Variants in NAALADL2 observed in about 807,000 individuals in gnomAD.
NAALADL2 encodes the protein N-acetylated alpha-linked acidic dipeptidase like 2, also known as inactive N-acetylated-alpha-linked acidic dipeptidase-like protein 2.
In NAALADL2, 76 loss-of-function variants were observed where a neutral mutation model predicts 87.2. That is an observed-to-expected ratio of 0.87 (90% CI 0.72 to 1.05). The LOEUF is 1.05. Ranked by LOEUF, NAALADL2 falls within the 50% of genes least tolerant of loss-of-function variation. The pLI, the probability that NAALADL2 is intolerant of heterozygous loss-of-function variation, is 0.00. For missense variants in NAALADL2, 1,089 were observed against 945.8 expected, an observed-to-expected ratio of 1.15 and a Z score of -1.99; for synonymous variants, 354 against 331.0, an observed-to-expected ratio of 1.07 and a Z score of -0.75.
intron 11 of NAALADL2, among the ~76,000 whole-genome samples, chr3:175,715,828 T>C (rs908419772): frequency 3.3e-5 from 5 of 152,190 alleles, no homozygotes; most frequent in Admixed American, 6.5e-5. Flanking sequence ...TGAGCCAAGA[T>C]TGTGCCACTG....
intron 2 of NAALADL2, among the ~76,000 whole-genome samples, chr3:174,610,870 G>T (rs1177991049): frequency 2.0e-5 from 3 of 152,180 alleles, no homozygotes; most frequent in Non-Finnish European, 4.4e-5. Flanking sequence ...GCACACATAT[G>T]TTTATTGAGG....
chr3:175,673,124 C>A (rs1734238970), intron 11 of NAALADL2, among the ~76,000 whole-genome samples: 2 of 152,144 alleles, frequency 1.3e-5, no homozygotes, highest in Non-Finnish European at 2.9e-5. Flanking sequence ...TGCTCTATCT[C>A]CAGCTGACTC....
intron 11 of NAALADL2, among the ~76,000 whole-genome samples, chr3:175,655,992 T>C (rs1731408981): frequency 6.6e-6 from 1 of 152,192 alleles, no homozygotes; most frequent in Non-Finnish European, 1.5e-5. Flanking sequence ...TCCTGAATTT[T>C]CCATATAAGG....
intron 3 of NAALADL2, among the ~76,000 whole-genome samples, chr3:174,762,037 T>C (rs187919532): frequency 6.6e-6 from 1 of 152,310 alleles, no homozygotes; most frequent in African/African-American, 2.4e-5. Flanking sequence ...TTCAATGTCA[T>C]GCCTTCCAAA....
intron 3 of NAALADL2, among the ~76,000 whole-genome samples, chr3:174,808,327 T>C (rs1719741205): frequency 6.6e-6 from 1 of 152,118 alleles, no homozygotes; most frequent in Non-Finnish European, 1.5e-5. Flanking sequence ...AAATGTCATA[T>C]GGGTGTTCAG....
chr3:174,627,111 T>G (rs1307518289), intron 2 of NAALADL2, among the ~76,000 whole-genome samples: 1 of 152,152 alleles, frequency 6.6e-6, no homozygotes, highest in Non-Finnish European at 1.5e-5. Context: ...TATATTTATG[T>G]GCAAATTATT....
chr3:175,644,935 T>C (rs1729791953), intron 11 of NAALADL2, among the ~76,000 whole-genome samples: 1 of 151,836 alleles, frequency 6.6e-6, no homozygotes, highest in Admixed American at 6.6e-5. Context: ...GCTGAAAATA[T>C]CCTTATAAGT....
At chr3:175,169,761 C>G (rs910837059) in intron 2 of NAALADL2, among the ~76,000 whole-genome samples, 2 of 151,722 alleles carry the variant, frequency 1.3e-5, no homozygotes, top group Admixed American at 6.6e-5. Context: ...TTGATGATAG[C>G]TATTTTGTTG....
In NAALADL2 at chr3:175,737,714, G is replaced by GTTTTTTT. The variant is rs71164650; in HGVS notation, c.1990+339_1990+345dup. Among the ~76,000 whole-genome samples the GTTTTTTT allele has an allele frequency of 6.3e-3, 345 of 54,746 alleles. 57 individuals carry two copies. The highest frequency in any genetic ancestry group is 0.019 in the African/African-American group (230 of 12,144). The allele number at this position is 54,746 out of a possible 152,430, so 35.9% of individuals were successfully genotyped here. On this transcript the variant is annotated intron_variant, in intron 12 of 13. Coordinates refer to ENST00000454872, the MANE Select transcript of NAALADL2 (RefSeq NM_207015.3). The stretch of plus-strand genomic sequence containing the variant: ...TAGAATAATACAGTTCAATGATCCA[G>GTTTTTTT]TTTTTTTTTTTTTTTTTTTTTTTTT...
intron 5 of NAALADL2, among the ~76,000 whole-genome samples, chr3:175,430,740 C>A (rs1205896006): frequency 6.6e-6 from 1 of 152,010 alleles, no homozygotes; most frequent in Non-Finnish European, 1.5e-5. Flanking sequence ...TGTTTATTCT[C>A]ACACTATATC....
chr3:175,429,359 A>T (rs1475365512), intron 5 of NAALADL2, among the ~76,000 whole-genome samples: 1 of 151,960 alleles, frequency 6.6e-6, no homozygotes, highest in Non-Finnish European at 1.5e-5. Context: ...CTGTATATGA[A>T]TTCTTTGACT....
intron 12 of NAALADL2, among the ~76,000 whole-genome samples, chr3:175,738,284 A>G (rs1483792057): frequency 6.6e-6 from 1 of 151,454 alleles, no homozygotes; most frequent in African/African-American, 2.4e-5. Context: ...CTCACTGTCT[A>G]TTGCCCAGGC....
At chr3:175,215,864 G>GATA (rs1742440037) in intron 2 of NAALADL2, among the ~76,000 whole-genome samples, 2 of 152,074 alleles carry the variant, frequency 1.3e-5, no homozygotes, top group Non-Finnish European at 2.9e-5. Flanking sequence ...TGAATGGATG[G>GATA]GTCTAGTCAG....
chr3:174,543,950 G>A (rs1722492744), intron 1 of NAALADL2, among the ~76,000 whole-genome samples: 1 of 151,528 alleles, frequency 6.6e-6, no homozygotes, highest in South Asian at 2.1e-4. Flanking sequence ...AGAGGTTGCA[G>A]TGAGCTGAGA....
At chr3:174,705,242 C>G (rs1560158643) in intron 2 of NAALADL2, among the ~76,000 whole-genome samples, 1 of 152,116 alleles carries the variant, frequency 6.6e-6, no homozygotes, top group Non-Finnish European at 1.5e-5. Flanking sequence ...GGGAAGAAAT[C>G]ATAGTACTTA....
intron 5 of NAALADL2, among the ~76,000 whole-genome samples, chr3:175,343,924 C>A (rs1243419203): frequency 6.6e-6 from 1 of 151,908 alleles, no homozygotes; most frequent in African/African-American, 2.4e-5. Flanking sequence ...GAGAAAGCAA[C>A]TAAACCAGTC....
intron 12 of NAALADL2, among the ~76,000 whole-genome samples, chr3:175,745,893 C>A (rs1561075854): frequency 6.6e-6 from 1 of 152,140 alleles, no homozygotes; most frequent in Non-Finnish European, 1.5e-5. Context: ...TCTGATGTTT[C>A]TTGCTTAATA....
chr3:175,553,774 A>AT (rs1194674816), intron 9 of NAALADL2, among the ~76,000 whole-genome samples: 3 of 151,510 alleles, frequency 2.0e-5, no homozygotes, highest in Admixed American at 6.6e-5. Flanking sequence ...AAATATATTT[A>AT]TTTTTTCTTT....
chr3:175,529,799 C>T (rs894220928), intron 9 of NAALADL2, among the ~76,000 whole-genome samples: 2 of 152,100 alleles, frequency 1.3e-5, no homozygotes, highest in African/African-American at 4.8e-5. Context: ...GTCCATGGAT[C>T]GTAGTCTTGG....
Sources: gnomAD v4.1 joint callset for allele counts (sites outside exome capture counted in the v4.1 genomes callset) on GRCh38, gnomAD v4.1.1 for gene constraint, MANE v1.5 for transcripts, NCBI Gene and HGNC (gene_info 2026-07-23, HGNC 2026-07-21) for gene names.